Variants in BTBD9 observed in about 807,000 individuals in gnomAD.
The protein encoded by BTBD9 is BTB/POZ domain-containing protein 9.
A neutral mutation model predicts 64.3 loss-of-function variants in BTBD9; 49 were observed. That is an observed-to-expected ratio of 0.76 (90% CI 0.61 to 0.97). The LOEUF is 0.97. Among genes scored for constraint, BTBD9 ranks in the 50% least tolerant of loss-of-function variants. The probability of loss-of-function intolerance (pLI) is 0.00; values close to 1 mark genes in which losing one functional copy is unlikely to be tolerated. For synonymous variants in BTBD9, 260 were observed against 274.7 expected (o/e 0.95, Z 0.53); for missense variants, 598 against 762.1 (o/e 0.78, Z 2.53).
rs527991045 is a variant in BTBD9, at chr6:38,334,381, G to T, written c.1264+10603C>A. On this transcript the variant is annotated intron_variant, in intron 7 of 10. Coordinates refer to ENST00000481247, the MANE Select transcript of BTBD9 (RefSeq NM_001099272.2). ...GTTCGAGACAGGCCTGGCCAACATG[G>T]TGAAACTGTCTCTACTAAAAATACA... Among the ~76,000 whole-genome samples the T allele has an allele frequency of 3.9e-5, 6 of 152,224 alleles. No homozygotes were observed. In the South Asian group the frequency reaches 1.2e-3, roughly 32 times the overall value.
At chr6:38,534,475 C>CCAAAAA in intron 6 of BTBD9, among the ~76,000 whole-genome samples, 1 of 94,932 alleles carries the variant, frequency 1.1e-5, no homozygotes, top group Non-Finnish European at 2.3e-5. Flanking sequence ...TCAAACTGTT[C>CCAAAAA]AAAAAAAAAA....
intron 6 of BTBD9, among the ~76,000 whole-genome samples, chr6:38,421,456 G>C (rs1047503245): frequency 6.6e-6 from 1 of 152,156 alleles, no homozygotes; most frequent in African/African-American, 2.4e-5. Flanking sequence ...CATGTGTTTT[G>C]GTTTCAAAAT....
chr6:38,445,052 G>A (rs145764073), intron 6 of BTBD9, among the ~76,000 whole-genome samples: 93 of 152,266 alleles, frequency 6.1e-4, no homozygotes, highest in African/African-American at 2.0e-3. Context: ...ATATTGAATT[G>A]CTAGAGTGAG....
chr6:38,303,605 C>A (rs1245037838), intron 7 of BTBD9, among the ~76,000 whole-genome samples: 1 of 151,698 alleles, frequency 6.6e-6, no homozygotes, highest in Non-Finnish European at 1.5e-5. Flanking sequence ...CTACGCTATG[C>A]CTTACTGCTT....
chr6:38,629,590 G>A lies in BTBD9; in HGVS notation c.-28+10210C>T, dbSNP rs371530300. Among the ~76,000 whole-genome samples, 16 of 151,956 alleles carry A rather than the reference G, an allele frequency of 1.1e-4. No individual in the cohort carries two copies. The East Asian group carries it at 1.8e-3, about 17-fold the overall frequency. ...TGTAATCCCAGCACTTTGGGAGGCC[G>A]AGGCAGGAGGATCACGAGGTCAAGA... On this transcript the variant is annotated intron_variant, in intron 1 of 10. Coordinates refer to ENST00000481247, the MANE Select transcript of BTBD9 (RefSeq NM_001099272.2).
chr6:38,553,854 TA>T lies in BTBD9; in HGVS notation c.1154+23745del, dbSNP rs879386136. ...GGTGACAGAGCGAAACCTTGTCCCT[TA>T]AAAAAAAAAAAAATCTAAGACTGAT... On this transcript the variant is annotated intron_variant, in intron 6 of 10. Transcript: ENST00000481247. Among the ~76,000 whole-genome samples the T allele has an allele frequency of 5.9e-3, 839 of 141,030 alleles. 3 individuals carry two copies. Among genetic ancestry groups the T allele is most frequent in the African/African-American group, 0.015 (597 of 38,618 alleles). 92.5% of individuals were successfully genotyped at this position (141,030 alleles called of 152,430 possible). A position where few individuals can be genotyped will look rare whatever the true frequency, so the allele number is the denominator to read the frequency against.
In BTBD9 at chr6:38,288,402, G is replaced by A; in HGVS notation, c.1324C>T (p.Arg442Trp). ...CCATTCAGCAAGGCATTTCGGCTCC[G>A]ACTGACTCCTTCAATCACACTGGCA... ...DCASVIEGVS[R>W]SRNALLNGDT... Residue 442 changes from arginine to tryptophan, a missense_variant, in exon 8 of 11, where the codon CGG (arginine) becomes TGG (tryptophan). Transcript: ENST00000481247. 2 of 1,614,016 alleles carry A rather than the reference G, an allele frequency of 1.2e-6. No individual in the cohort carries two copies. Among genetic ancestry groups the A allele is most frequent in the Non-Finnish European group, 1.7e-6 (2 of 1,179,980 alleles).
At chr6:38,273,269 C>G (rs566433355) in intron 8 of BTBD9, among the ~76,000 whole-genome samples, 1 of 152,288 alleles carries the variant, frequency 6.6e-6, no homozygotes, top group East Asian at 1.9e-4. Context: ...GTCCTTTTAT[C>G]CATGTGGGGT....
intron 7 of BTBD9, among the ~76,000 whole-genome samples, chr6:38,300,324 T>C (rs1264556918): frequency 2.0e-5 from 3 of 152,240 alleles, no homozygotes; most frequent in South Asian, 2.1e-4. Context: ...AGGCTTAGGA[T>C]TGACTTGGCA....
At chr6:38,264,635 T>A (rs897642425) in intron 8 of BTBD9, among the ~76,000 whole-genome samples, 6 of 152,186 alleles carry the variant, frequency 3.9e-5, no homozygotes, top group African/African-American at 1.4e-4. Flanking sequence ...AGAGGGACTT[T>A]CCCAAAGATG....
intron 1 of BTBD9, among the ~76,000 whole-genome samples, chr6:38,633,439 C>A (rs1778426664): frequency 6.6e-6 from 1 of 152,244 alleles, no homozygotes; most frequent in Non-Finnish European, 1.5e-5. Flanking sequence ...ATAGAAAGGG[C>A]CTTGCATAAT....
intron 7 of BTBD9, among the ~76,000 whole-genome samples, chr6:38,339,606 T>G (rs1764026549): frequency 6.6e-6 from 1 of 152,152 alleles, no homozygotes; most frequent in Non-Finnish European, 1.5e-5. Flanking sequence ...ATAAATATAT[T>G]TTCCCACTTT....
intron 4 of BTBD9, among the ~76,000 whole-genome samples, chr6:38,583,677 T>C (rs566433263): frequency 2.1e-4 from 32 of 152,328 alleles, no homozygotes; most frequent in African/African-American, 7.5e-4. Context: ...AAGTCTAAAA[T>C]GGAAATGAAA....
intron 6 of BTBD9, among the ~76,000 whole-genome samples, chr6:38,511,306 C>T (rs1181267074): frequency 6.6e-6 from 1 of 150,942 alleles, no homozygotes; most frequent in Non-Finnish European, 1.5e-5. Context: ...ATCATTTCCT[C>T]ATCTGTGTCT....
At chr6:38,627,621 GA>G (rs1778216825) in intron 1 of BTBD9, among the ~76,000 whole-genome samples, 1 of 152,154 alleles carries the variant, frequency 6.6e-6, no homozygotes, top group African/African-American at 2.4e-5. Flanking sequence ...CTGTTTCAAA[GA>G]GGTGGAACTG....
chr6:38,390,724 C>T (rs1040862524), intron 6 of BTBD9, among the ~76,000 whole-genome samples: 1 of 152,226 alleles, frequency 6.6e-6, no homozygotes, highest in Non-Finnish European at 1.5e-5. Flanking sequence ...CATGGCTCCA[C>T]TCTCATTACA....
Position 38,564,217 on chromosome 6 carries a change from T to C in BTBD9, c.1154+13383A>G, listed in dbSNP as rs191647390. On this transcript the variant is annotated intron_variant, in intron 6 of 10. Transcript: ENST00000481247. Reference sequence around the variant, plus strand: ...TTGTGCTTTTCTCTCTCCACATTTATCACAGCTTTCTTTCTTTACTTGTCA... The same window carrying C: ...TTGTGCTTTTCTCTCTCCACATTTACCACAGCTTTCTTTCTTTACTTGTCA... Among the ~76,000 whole-genome samples, 35 of 152,310 alleles carry C rather than the reference T, an allele frequency of 2.3e-4. 1 individual carries two copies. In the East Asian group the frequency reaches 6.4e-3, roughly 28 times the overall value.
intron 6 of BTBD9, among the ~76,000 whole-genome samples, chr6:38,507,450 T>C (rs1197987129): frequency 1.3e-5 from 2 of 152,168 alleles, no homozygotes; most frequent in Non-Finnish European, 2.9e-5. Context: ...TTTGAAACAA[T>C]TGCCTATTCA....
intron 6 of BTBD9, among the ~76,000 whole-genome samples, chr6:38,545,703 CAG>C (rs1040140660): frequency 1.9e-4 from 28 of 148,406 alleles, no homozygotes; most frequent in African/African-American, 6.0e-4. Context: ...GACGTGAACC[CAG>C]GAGGCAGAGC....
Sources: gnomAD v4.1 joint callset for allele counts (sites outside exome capture counted in the v4.1 genomes callset) on GRCh38, gnomAD v4.1.1 for gene constraint, MANE v1.5 for transcripts, NCBI Gene and HGNC (gene_info 2026-07-23, HGNC 2026-07-21) for gene names.